Variants in CPSF1 observed in about 807,000 individuals in gnomAD.
The protein encoded by CPSF1 is cleavage and polyadenylation specific factor 1.
CPSF1 carries 106 observed loss-of-function variants against 175.8 expected under a neutral mutation model. That is an observed-to-expected ratio of 0.60 (90% CI 0.52 to 0.71). CPSF1 has a LOEUF of 0.71. Ranked by LOEUF, CPSF1 falls within the 30% of genes least tolerant of loss-of-function variation. The probability of loss-of-function intolerance (pLI) is 0.00; values close to 1 mark genes in which losing one functional copy is unlikely to be tolerated. For synonymous variants in CPSF1, 1,024 were observed against 858.3 expected, an observed-to-expected ratio of 1.19 and a Z score of -3.37; for missense variants, 1,734 against 2,022.9, an observed-to-expected ratio of 0.86 and a Z score of 2.74.
In CPSF1 at chr8:144,400,507, T is replaced by TG. The variant is rs2116875776; in HGVS notation, c.687-15dup. 7 of 1,612,088 alleles carry TG rather than the reference T, an allele frequency of 4.3e-6. No individual in the cohort carries two copies. In the South Asian group the frequency reaches 6.6e-5, roughly 15 times the overall value. On this transcript the variant is annotated splice_polypyrimidine_tract_variant and intron_variant, in intron 7 of 37. Transcript: ENST00000616140. ...ACGGCCACGCGCCTGGGGACGCCAGTGGGTCAGCCAAGGGCCTTGCCTCCC... is the reference window on the plus strand; with the variant it reads ...ACGGCCACGCGCCTGGGGACGCCAGTGGGGTCAGCCAAGGGCCTTGCCTCCC...
At position 144,399,581 on chromosome 8, in the gene CPSF1, A is replaced by G; in HGVS notation, c.1242+7T>C. 1.2e-6 allele frequency: 2 copies of G among 1,610,752 alleles called. No individual in the cohort carries two copies. The highest frequency in any genetic ancestry group is 1.7e-6 in the Non-Finnish European group (2 of 1,178,638). ...GGGTGGTGGCCCAATGGGCCCAGGA[A>G]ACCCACCTTGTCGGCAGCCTCACGG... On this transcript the variant is annotated splice_region_variant and intron_variant, in intron 12 of 37. Coordinates refer to ENST00000616140, the MANE Select transcript of CPSF1 (RefSeq NM_013291.3). This position sits in a 1 kb window ranked among gnomAD's most constrained non-coding sequence, Gnocchi z 6.4.
rs2116851281 is a variant in CPSF1, at chr8:144,398,505, TCCCAGGC to T, written c.1752+13_1752+19del. 16 of 1,613,104 alleles carry T rather than the reference TCCCAGGC, an allele frequency of 9.9e-6. 1 individual carries two copies. In the South Asian group the frequency reaches 1.2e-4, roughly 12 times the overall value. On this transcript the variant is annotated intron_variant, in intron 18 of 37. Transcript: ENST00000616140. The stretch of plus-strand genomic sequence containing the variant: ...GGGGACCCCAGCCCCAGGTCCCAGG[TCCCAGGC>T]CCTGCCCCTCACCATGGTGGAGTCT...
rs149597313 is a variant in CPSF1, at chr8:144,395,446, C to T, written c.3085G>A (p.Val1029Met). ...GGGTGGGGGCAGACCTTAGACTCCA[C>T]GTGGTAAGCCACATAGTGGGCCGTG... The part of the protein sequence containing the change: ...RCTAHYVAYH[V>M]ESKVYAVATS... Residue 1029 changes from valine (V) to methionine (M), a missense_variant, in exon 27 of 38, where the codon GTG becomes ATG. Physicochemically the swap from Val to Met is conservative, Grantham distance 21. Around this residue, in one of 10 missense-constraint regions of CPSF1, gnomAD observed 585 missense variants for 584.7 expected, o/e 1.00. Coordinates refer to ENST00000616140, the MANE Select transcript of CPSF1 (RefSeq NM_013291.3). 3.1e-5 allele frequency: 50 copies of T among 1,612,968 alleles called. 2 individuals are homozygous for T. Among genetic ancestry groups the T allele is most frequent in the South Asian group, 2.9e-4 (26 of 91,082 alleles).
Position 144,396,745 on chromosome 8 carries a change from G to T in CPSF1, c.2683-4C>A, listed in dbSNP as rs370375160. On this transcript the variant is annotated splice_region_variant and splice_polypyrimidine_tract_variant and intron_variant, in intron 24 of 37. Transcript: ENST00000616140. The stretch of plus-strand genomic sequence containing the variant: ...GGAAGTTGATGTTGTGAGGGACCTG[G>T]GGGGGAACCATGCAGGTCCTCCAGG... 19 of 1,613,882 alleles carry T rather than the reference G, an allele frequency of 1.2e-5. No individual in the cohort carries two copies. The highest frequency in any genetic ancestry group is 1.6e-5 in the Non-Finnish European group (19 of 1,179,942).
Position 144,394,757 on chromosome 8 carries a change from C to T in CPSF1, c.3454G>A (p.Gly1152Ser), listed in dbSNP as rs151205306. The change falls in exon 31 of 38, where the codon GGC becomes AGC. Residue 1152 changes from glycine (G) to serine (S), a missense_variant. This residue lies in a region of CPSF1 where 62 missense variants were observed against 124.5 expected (regional missense o/e 0.50). Coordinates refer to ENST00000616140, the MANE Select transcript of CPSF1 (RefSeq NM_013291.3). ...MDVIEVVPEP[G>S]QPLTKNKFKV... ...AACTTGTTCTTGGTCAAGGGCTGGCCAGGCTCGGGCACCACCTCAATCACA... is the reference window on the plus strand; with the variant it reads ...AACTTGTTCTTGGTCAAGGGCTGGCTAGGCTCGGGCACCACCTCAATCACA... 19 of 1,613,642 alleles carry T rather than the reference C, an allele frequency of 1.2e-5. No homozygotes were observed. Among genetic ancestry groups the T allele is most frequent in the Non-Finnish European group, 1.4e-5 (17 of 1,179,978 alleles).
intron 37 of CPSF1, 32 bp from the exon 38 acceptor site, chr8:144,393,397 G>A (rs782635858): frequency 3.5e-6 from 4 of 1,154,770 alleles, no homozygotes; most frequent in Non-Finnish European, 4.8e-6. Context: ...GTGGGTGGGT[G>A]GGTGGGGATG....
In CPSF1 at chr8:144,409,087, G is replaced by A; in HGVS notation, c.72C>T (p.Asn24=). Residue 24 remains asparagine, a synonymous_variant, in exon 2 of 38, where the codon AAC becomes AAT. Coordinates refer to ENST00000616140, the MANE Select transcript of CPSF1 (RefSeq NM_013291.3). The stretch of plus-strand genomic sequence containing the variant: ...CCACTACCAGGTTGCGCTCGCTGTT[G>A]TTGAAGAAGTTGCAGTACATGGAGA... ...LEFSMYCNFF[N]NSERNLVVAG... 1.2e-6 allele frequency: 2 copies of A among 1,613,884 alleles called. No homozygotes were observed. Among genetic ancestry groups the A allele is most frequent in the Non-Finnish European group, 1.7e-6 (2 of 1,179,926 alleles).
At chr8:144,408,050 A>G (rs1186755758) in intron 2 of CPSF1, among the ~76,000 whole-genome samples, 1 of 152,168 alleles carries the variant, frequency 6.6e-6, no homozygotes, top group African/African-American at 2.4e-5. Flanking sequence ...ATACATATGT[A>G]TGCCGGGGTA....
rs2116886277 is a variant in CPSF1, at chr8:144,401,630, G to A, written c.172+16C>T. The stretch of plus-strand genomic sequence containing the variant: ...CCTGGCACCCGCACAGCCCCAGGCC[G>A]CCCCACCACACTCACCTGTGCTCCT... On this transcript the variant is annotated intron_variant, in intron 3 of 37. Coordinates refer to ENST00000616140, the MANE Select transcript of CPSF1 (RefSeq NM_013291.3). 58 of 1,611,112 alleles carry A rather than the reference G, an allele frequency of 3.6e-5. No homozygotes were observed. The highest frequency in any genetic ancestry group is 6.7e-5 in the Admixed American group (4 of 59,690).
chr8:144,397,675 G>A lies in CPSF1; in HGVS notation c.2211-14C>T, dbSNP rs541083095. 15 of 1,548,076 alleles carry A rather than the reference G, an allele frequency of 9.7e-6. No homozygotes were observed. The Admixed American group carries it at 1.2e-4, about 12-fold the overall frequency. On this transcript the variant is annotated splice_polypyrimidine_tract_variant and intron_variant, in intron 21 of 37. Coordinates refer to ENST00000616140, the MANE Select transcript of CPSF1 (RefSeq NM_013291.3). ...TCCACTGTGGGGCTGGGGGCCAGCAGAAGGTCATGGGCGGCCTGCCAGCCC... is the reference window on the plus strand; with the variant it reads ...TCCACTGTGGGGCTGGGGGCCAGCAAAAGGTCATGGGCGGCCTGCCAGCCC...
In CPSF1 at chr8:144,394,314, G is replaced by A. The variant is rs782319125; in HGVS notation, c.3745-14C>T. On this transcript the variant is annotated splice_polypyrimidine_tract_variant and intron_variant, in intron 32 of 37. Transcript: ENST00000616140. ...GGGCTTGGCATCCTGGGGGCGGGAA[G>A]GGGGCGTCAGAGGTGCCTTGGGCGG... 1.9e-6 allele frequency: 3 copies of A among 1,585,332 alleles called. No individual in the cohort carries two copies. The highest frequency in any genetic ancestry group is 2.3e-5 in the South Asian group (2 of 87,728).
In CPSF1 at chr8:144,399,498, C is replaced by T. The variant is rs1554865578; in HGVS notation, c.1248G>A (p.Glu416=). ...CCACTCGCTTCTTCTTTGAGGGAGGCTCTTCCTGTGAGGCAGGAGGGGCAC... is the reference window on the plus strand; with the variant it reads ...CCACTCGCTTCTTCTTTGAGGGAGGTTCTTCCTGTGAGGCAGGAGGGGCAC... ...SAVREAADKE[E]PPSKKKRVDA... Residue 416 remains glutamate, a synonymous_variant, in exon 13 of 38, where the codon GAG becomes GAA. Coordinates refer to ENST00000616140, the MANE Select transcript of CPSF1 (RefSeq NM_013291.3). This position sits in a 1 kb window ranked among gnomAD's most constrained non-coding sequence, Gnocchi z 6.4. The T allele has an allele frequency of 1.9e-6, 3 of 1,612,790 alleles. No individual in the cohort carries two copies. The highest frequency in any genetic ancestry group is 2.2e-5 in the East Asian group (1 of 44,890).
rs782711703 is a variant in CPSF1, at chr8:144,398,113, G to A, written c.1914C>T (p.Ile638=). The A allele has an allele frequency of 2.5e-5, 40 of 1,602,626 alleles. No homozygotes were observed. Among genetic ancestry groups the A allele is most frequent in the Middle Eastern group, 1.7e-4 (1 of 6,004 alleles). ...LLEGVNQLHF[I]PVDLGAPIVQ... ...CGATGGGGGCGCCCAGGTCCACGGG[G>A]ATGAAGTGCAGCTGATTCACTGTAG... The change falls in exon 20 of 38, where the codon ATC becomes ATT. Residue 638 remains isoleucine (I), a synonymous_variant. Transcript: ENST00000616140.
rs782089711 is a variant in CPSF1 at position 144,395,272 on chromosome 8, G to A, written c.3180C>T (p.Ile1060=). ...TGGTGTGGGCGTCACCACCTCTCTC[G>A]ATGGTCTCAAACTCCTTCTCCTCGC... ...MTGEEKEFET[I]ERDERYIHPQ... is the part of the protein sequence containing the mutation. Residue 1060 remains isoleucine, a synonymous_variant, in exon 28 of 38, where the codon ATC becomes ATT. Transcript: ENST00000616140. 1.9e-5 allele frequency: 31 copies of A among 1,612,892 alleles called. No individual in the cohort carries two copies. Among genetic ancestry groups the A allele is most frequent in the Middle Eastern group, 1.6e-4 (1 of 6,084 alleles).
chr8:144,396,960 G>A (rs782105341), intron 23 of CPSF1, 31 bp from the exon 24 acceptor site: 29 of 1,530,616 alleles, frequency 1.9e-5, no homozygotes, highest in Middle Eastern at 1.7e-4. Context: ...ATGGGGGAAC[G>A]GGCAGGGCCA....
chr8:144,400,135 G>GGGGGGCCCCCCC, intron 9 of CPSF1, 31 bp downstream of exon 9: 38 of 895,946 alleles, frequency 4.2e-5, no homozygotes, highest in Non-Finnish European at 5.1e-5. Context: ...CCGTCCCCGG[G>GGGGGGCCCCCCC]CCCCCCCCGC....
At position 144,394,146 on chromosome 8, in the gene CPSF1, G is replaced by A. The variant is rs777198861; in HGVS notation, c.3826C>T (p.Arg1276Cys). Residue 1276 changes from arginine (R) to cysteine (C), a missense_variant, in exon 34 of 38, where the codon CGC becomes TGC. By Grantham distance (180) the Arg-to-Cys change is radical. Coordinates refer to ENST00000616140, the MANE Select transcript of CPSF1 (RefSeq NM_013291.3). ...QLGFLVSDRD[R>C]NLMVYMYLPE... Reference sequence around the variant, plus strand: ...AGGTACATGTACACCATGAGGTTGCGGTCGCGGTCAGACACTGGGGAGCAG... The same window carrying A: ...AGGTACATGTACACCATGAGGTTGCAGTCGCGGTCAGACACTGGGGAGCAG... 2.9e-5 allele frequency: 47 copies of A among 1,612,886 alleles called. No individual in the cohort carries two copies. Among genetic ancestry groups the A allele is most frequent in the Admixed American group, 5.0e-5 (3 of 59,990 alleles).
At chr8:144,401,147 C>A in intron 5 of CPSF1, 64 bp downstream of exon 5, 2 of 1,578,618 alleles carry the variant, frequency 1.3e-6, no homozygotes, top group Non-Finnish European at 1.7e-6. Context: ...GCCACAGAAC[C>A]CAGCTGCAGG....
rs142801874 is a variant in CPSF1, at chr8:144,409,060, G to A, written c.99C>T (p.Ala33=). 1.2e-6 allele frequency: 2 copies of A among 1,613,686 alleles called. No individual in the cohort carries two copies. The highest frequency in any genetic ancestry group is 2.7e-5 in the African/African-American group (2 of 74,942). ...GGTACACGTAGAGCTGCGAGGTCCCGGCCACTACCAGGTTGCGCTCGCTGT... is the reference window on the plus strand; with the variant it reads ...GGTACACGTAGAGCTGCGAGGTCCCAGCCACTACCAGGTTGCGCTCGCTGT... ...FNNSERNLVV[A]GTSQLYVYRL... The change falls in exon 2 of 38, where the codon GCC becomes GCT. Residue 33 remains alanine, a synonymous_variant. Transcript: ENST00000616140.
Sources: allele counts gnomAD v4.1 joint callset (sites outside exome capture counted in the v4.1 genomes callset), GRCh38; gene constraint gnomAD v4.1.1; regional missense constraint gnomAD v4.1.1; non-coding constraint Gnocchi (gnomAD v3.1); transcripts MANE v1.5; gene names NCBI Gene and HGNC (gene_info 2026-07-23, HGNC 2026-07-21).